WASHC4: variants seen among roughly 807,000 people sequenced by gnomAD.
The protein encoded by WASHC4 is WASH complex subunit 4.
In WASHC4, 86 loss-of-function variants were observed where a neutral mutation model predicts 166.6. That is an observed-to-expected ratio of 0.52 (90% confidence interval 0.43 to 0.62). The LOEUF is 0.62. WASHC4 is among the 20% of genes least tolerant of loss of function. The pLI, the probability that WASHC4 is intolerant of heterozygous loss-of-function variation, is 0.00. For missense variants in WASHC4, 1,262 were observed against 1,382.4 expected, an observed-to-expected ratio of 0.91 and a Z score of 1.38; for synonymous variants, 446 against 451.6, an observed-to-expected ratio of 0.99 and a Z score of 0.16.
intron 26 of WASHC4, among the ~76,000 whole-genome samples, chr12:105,154,516 TTA>T (rs1883999893): frequency 6.6e-6 from 1 of 152,202 alleles, no homozygotes; most frequent in Non-Finnish European, 1.5e-5. Flanking sequence ...TCTTAGTGCT[TTA>T]TATGTTTTAA....
chr12:105,161,643 G>A (rs117444619), intron 29 of WASHC4, among the ~76,000 whole-genome samples: 6 of 152,176 alleles, frequency 3.9e-5, no homozygotes, highest in African/African-American at 1.4e-4. Context: ...TTGTAGTGTA[G>A]TTCCAGAAAA....
intron 1 of WASHC4, among the ~76,000 whole-genome samples, chr12:105,110,071 T>C (rs956253893): frequency 6.6e-6 from 1 of 152,210 alleles, no homozygotes; most frequent in African/African-American, 2.4e-5. Flanking sequence ...TAATTTTTGG[T>C]CTGTGAATCA....
chr12:105,116,617 T>G (rs1377990191), intron 6 of WASHC4, among the ~76,000 whole-genome samples: 1 of 152,184 alleles, frequency 6.6e-6, no homozygotes, highest in Admixed American at 6.5e-5. Context: ...TAGCTGCTTT[T>G]GCTACAAAAA....
rs548413540 is a variant in WASHC4, at chr12:105,114,947, G to A, written c.322-237G>A. ...CTAATGGGAGGATGTGGGACAGTGA[G>A]GGTGGTCAGATAAGATGAAGTAAAG... On this transcript the variant is annotated intron_variant, in intron 4 of 32. Coordinates refer to ENST00000332180, the MANE Select transcript of WASHC4 (RefSeq NM_015275.3). Among the ~76,000 whole-genome samples the A allele has an allele frequency of 3.9e-5, 6 of 152,052 alleles. 1 individual carries two copies. Among genetic ancestry groups the A allele is most frequent in the Admixed American group, 6.5e-5 (1 of 15,270 alleles).
rs1883213774 is a variant in WASHC4, at chr12:105,145,414, T to TA, written c.2334+544dup. ...CAGATAATTTGCGTGGAGTTCTCTTTAAGATGATCCAGATAATATTTACCA... is the reference window on the plus strand; with the variant it reads ...CAGATAATTTGCGTGGAGTTCTCTTTAAAGATGATCCAGATAATATTTACCA... On this transcript the variant is annotated intron_variant, in intron 22 of 32. Coordinates refer to ENST00000332180, the MANE Select transcript of WASHC4 (RefSeq NM_015275.3). 2.6e-5 allele frequency among the ~76,000 whole-genome samples: 4 copies of TA among 152,162 alleles called. No individual in the cohort carries two copies. In the South Asian group the frequency reaches 8.3e-4, roughly 32 times the overall value.
intron 14 of WASHC4, among the ~76,000 whole-genome samples, chr12:105,135,200 G>A (rs770840169): frequency 1.3e-5 from 2 of 151,866 alleles, no homozygotes; most frequent in Non-Finnish European, 2.9e-5. Flanking sequence ...TATAGTCAGC[G>A]TTTATTTAGA....
intron 7 of WASHC4, among the ~76,000 whole-genome samples, chr12:105,119,200 C>A (rs1200239851): frequency 1.3e-5 from 2 of 152,160 alleles, no homozygotes; most frequent in Non-Finnish European, 2.9e-5. Flanking sequence ...GCTCGTGCCA[C>A]TGAGGAGGTG....
intron 7 of WASHC4, among the ~76,000 whole-genome samples, chr12:105,120,241 G>A (rs955692747): frequency 2.6e-5 from 4 of 152,128 alleles, no homozygotes; most frequent in Non-Finnish European, 5.9e-5. Flanking sequence ...GTTTCAATGG[G>A]TAAGGTTATT....
intron 1 of WASHC4, among the ~76,000 whole-genome samples, chr12:105,110,868 G>A (rs58670310): frequency 0.059 from 9,039 of 152,070 alleles, 896 homozygotes; most frequent in African/African-American, 0.21. Flanking sequence ...TGGGCTAGTG[G>A]CTTTTTCATA....
At chr12:105,118,116 T>C (rs1335974892) in intron 6 of WASHC4, among the ~76,000 whole-genome samples, 1 of 152,216 alleles carries the variant, frequency 6.6e-6, no homozygotes, top group Non-Finnish European at 1.5e-5. Context: ...AGTTGAGTGT[T>C]AGTCACTATG....
At chr12:105,108,838 A>G (rs1167048204) in intron 1 of WASHC4, among the ~76,000 whole-genome samples, 1 of 152,110 alleles carries the variant, frequency 6.6e-6, no homozygotes, top group Non-Finnish European at 1.5e-5. Context: ...AATGCCTACA[A>G]TGTTAGATGA....
At chr12:105,150,767 C>T (rs1001836117) in intron 25 of WASHC4, among the ~76,000 whole-genome samples, 15 of 152,102 alleles carry the variant, frequency 9.9e-5, no homozygotes, top group Admixed American at 4.6e-4. Context: ...TTAATTGACT[C>T]ACAGTTCTGC....
At position 105,132,411 on chromosome 12, in the gene WASHC4, A is replaced by G. The variant is rs181541546; in HGVS notation, c.1200-1359A>G. Among the ~76,000 whole-genome samples, 869 of 152,322 alleles carry G rather than the reference A, an allele frequency of 5.7e-3. 10 individuals carry two copies. Among genetic ancestry groups the G allele is most frequent in the African/African-American group, 0.02 (813 of 41,580 alleles). On this transcript the variant is annotated intron_variant, in intron 13 of 32. Coordinates refer to ENST00000332180, the MANE Select transcript of WASHC4 (RefSeq NM_015275.3). ...GGTCACAAACTGCTGACCTCAGGCA[A>G]TCTGCCTGCCTCGGCCTCCCGAAGT... is the stretch of plus-strand genomic sequence containing the variant.
intron 3 of WASHC4, 24 bp downstream of exon 3, chr12:105,114,293 A>C: frequency 6.2e-7 from 1 of 1,605,216 alleles, no homozygotes; most frequent in Non-Finnish European, 8.5e-7. Context: ...AATCTAAAAA[A>C]TTGTTTTAAA....
At chr12:105,166,192 T>C (rs1191506644) in intron 32 of WASHC4, among the ~76,000 whole-genome samples, 3 of 152,198 alleles carry the variant, frequency 2.0e-5, no homozygotes, top group Non-Finnish European at 4.4e-5. Flanking sequence ...CTCACATCAC[T>C]GTTCTAAGAC....
intron 22 of WASHC4, 90 bp from the exon 23 acceptor site, chr12:105,146,362 C>A: frequency 1.3e-6 from 1 of 798,998 alleles, no homozygotes; most frequent in Non-Finnish European, 2.1e-6. Context: ...TATTAGGAAA[C>A]AGTATAATCA....
chr12:105,123,185 G>A (rs1413569597), intron 10 of WASHC4, among the ~76,000 whole-genome samples: 1 of 152,120 alleles, frequency 6.6e-6, no homozygotes, highest in Admixed American at 6.5e-5. Context: ...GTTAGGGCAA[G>A]CGCTTGTAAT....
chr12:105,138,135 C>G, intron 15 of WASHC4, 124 bp downstream of exon 15: 9 of 879,882 alleles, frequency 1.0e-5, no homozygotes, highest in Non-Finnish European at 1.5e-5. Context: ...GAAAGTACTT[C>G]TCTCTCAATT....
rs530862299 is a variant in WASHC4, at chr12:105,168,422, T to A, written c.*1491T>A. On this transcript the variant is annotated 3_prime_UTR_variant, in exon 33 of 33. Coordinates refer to ENST00000332180, the MANE Select transcript of WASHC4 (RefSeq NM_015275.3). ...TAAAGCATGCTGCATAATTAATAATTTATATTTTCATTATTATAAGTGTTT... is the reference window on the plus strand; with the variant it reads ...TAAAGCATGCTGCATAATTAATAATATATATTTTCATTATTATAAGTGTTT... 6.6e-6 allele frequency: 1 copy of A among 150,576 alleles called. No individual in the cohort carries two copies. The highest frequency in any genetic ancestry group is 2.1e-4 in the South Asian group (1 of 4,744). The allele number at this position is 150,576 out of a possible 1,614,324, so 9.3% of individuals were successfully genotyped here. A position where few individuals can be genotyped will look rare whatever the true frequency, so the allele number is the denominator to read the frequency against.
Sources: gnomAD v4.1 joint callset for allele counts (sites outside exome capture counted in the v4.1 genomes callset) on GRCh38, gnomAD v4.1.1 for gene constraint, MANE v1.5 for transcripts, NCBI Gene and HGNC (gene_info 2026-07-23, HGNC 2026-07-21) for gene names.